The following PIEZO2 variants were observed in gnomAD, a reference collection of about 807,000 sequenced individuals.
PIEZO2 encodes piezo-type mechanosensitive ion channel component 2.
Under a neutral mutation model 337.3 loss-of-function variants are expected in PIEZO2, and 172 were observed. That is an observed-to-expected ratio of 0.51 (90% CI 0.45 to 0.58). The LOEUF (loss-of-function observed/expected upper bound fraction) is 0.58, where lower values mean the gene tolerates loss of function less well. PIEZO2 is among the 20% of genes least tolerant of loss of function. The pLI, the probability that PIEZO2 is intolerant of heterozygous loss-of-function variation, is 0.00. For missense variants in PIEZO2, 3,028 were observed against 3,391.3 expected, an observed-to-expected ratio of 0.89 and a Z score of 2.66; for synonymous variants, 1,251 against 1,228.5, an observed-to-expected ratio of 1.02 and a Z score of -0.38.
rs1366138666 is a variant in PIEZO2 at position 11,080,840 on chromosome 18, C to A, written c.65-14618G>T. ...GCCTGGCGACAGAGCAAGGCTCTGT[C>A]AATAAATAAATAAACAAACACATAA... is the stretch of plus-strand genomic sequence containing the variant. On this transcript the variant is annotated intron_variant, in intron 1 of 55. Transcript: ENST00000674853. The surrounding 1 kb of genome is among the most constrained non-coding windows in gnomAD (Gnocchi z 5.4). 1.3e-5 allele frequency among the ~76,000 whole-genome samples: 2 copies of A among 151,924 alleles called. No homozygotes were observed. The highest frequency in any genetic ancestry group is 2.9e-5 in the Non-Finnish European group (2 of 67,990).
chr18:10,923,983 T>A (rs1464266394), intron 3 of PIEZO2, among the ~76,000 whole-genome samples: 1 of 152,232 alleles, frequency 6.6e-6, no homozygotes. Context: ...CTGAGCAGTC[T>A]CTGGCACAAA....
At position 10,795,351 on chromosome 18, in the gene PIEZO2, A is replaced by ATTTTATTTTATT. The variant is rs1555648418; in HGVS notation, c.1528-350_1528-349insAATAAAATAAAA. ...ATTTTATTTTATTTTATTTTATTTT[A>ATTTTATTTTATT]TTATTTTATTTTATTTTATTTTATT... On this transcript the variant is annotated intron_variant, in intron 12 of 55. Coordinates refer to ENST00000674853, the MANE Select transcript of PIEZO2 (RefSeq NM_001378183.1). The surrounding 1 kb of genome is among the most constrained non-coding windows in gnomAD (Gnocchi z 4.4). Among the ~76,000 whole-genome samples the ATTTTATTTTATT allele has an allele frequency of 1.5e-4, 3 of 20,516 alleles. No homozygotes were observed. The highest frequency in any genetic ancestry group is 4.2e-4 in the African/African-American group (3 of 7,148). The allele number at this position is 20,516 out of a possible 152,430, so 13.5% of individuals were successfully genotyped here.
At chr18:10,999,184 C>CAAAA (rs35723374) in intron 2 of PIEZO2, among the ~76,000 whole-genome samples, 2 of 111,690 alleles carry the variant, frequency 1.8e-5, no homozygotes, top group African/African-American at 3.3e-5. Flanking sequence ...AAGGCAACAG[C>CAAAA]AAAAAAAAAA....
chr18:10,758,647 C>G (rs973629739), intron 26 of PIEZO2, among the ~76,000 whole-genome samples: 2 of 152,218 alleles, frequency 1.3e-5, no homozygotes, highest in Non-Finnish European at 1.5e-5. Context: ...AAGGAGGCCA[C>G]TTGAGCAATT....
At chr18:10,901,416 T>TCA (rs1253878950) in intron 4 of PIEZO2, among the ~76,000 whole-genome samples, 3 of 120,342 alleles carry the variant, frequency 2.5e-5, no homozygotes, top group South Asian at 3.1e-4. Flanking sequence ...CTACTTCTAT[T>TCA]CACACACACA....
intron 42 of PIEZO2, 43 bp from the exon 43 acceptor site, chr18:10,702,214 G>C: frequency 6.7e-7 from 1 of 1,503,376 alleles, no homozygotes; most frequent in South Asian, 1.2e-5. Flanking sequence ...ACTCCTTTTA[G>C]GAATAGATAT....
In PIEZO2 at chr18:10,811,978, C is replaced by T. The variant is rs538435912; in HGVS notation, c.918-4704G>A. ...CCTCCCGAGTAGCTGAGATTACAGGCGCCCGCCACCACGCCCGGCTAACTT... is the reference window on the plus strand; with the variant it reads ...CCTCCCGAGTAGCTGAGATTACAGGTGCCCGCCACCACGCCCGGCTAACTT... On this transcript the variant is annotated intron_variant, in intron 7 of 55. Transcript: ENST00000674853. Among the ~76,000 whole-genome samples, 13 of 152,178 alleles carry T rather than the reference C, an allele frequency of 8.5e-5. No individual in the cohort carries two copies. In the East Asian group the frequency reaches 1.2e-3, roughly 14 times the overall value.
intron 7 of PIEZO2, among the ~76,000 whole-genome samples, chr18:10,841,264 T>C (rs1418053326): frequency 1.3e-5 from 2 of 152,064 alleles, no homozygotes; most frequent in Non-Finnish European, 2.9e-5. Context: ...AAAAACAAGA[T>C]AATCCCTAAA....
intron 3 of PIEZO2, among the ~76,000 whole-genome samples, chr18:10,927,881 C>A (rs548563325): frequency 6.6e-6 from 1 of 151,830 alleles, no homozygotes; most frequent in South Asian, 2.1e-4. Context: ...TGCTTTAGGT[C>A]AAATTGGAGA....
chr18:10,773,039 G>A lies in PIEZO2; in HGVS notation c.2785+373C>T, dbSNP rs565794460. Among the ~76,000 whole-genome samples the A allele has an allele frequency of 3.6e-4, 55 of 152,280 alleles. No homozygotes were observed. The highest frequency in any genetic ancestry group is 1.3e-3 in the African/African-American group (55 of 41,546). On this transcript the variant is annotated intron_variant, in intron 20 of 55. Transcript: ENST00000674853. The surrounding 1 kb of genome is among the most constrained non-coding windows in gnomAD (Gnocchi z 5.3). The stretch of plus-strand genomic sequence containing the variant: ...AGTCTCAGAATGGTTTCTTGAGAAT[G>A]CATTTGTAAGGGCGATGTCTAGAGC...
In PIEZO2 at chr18:10,791,282, G is replaced by A; in HGVS notation, c.1801C>T (p.Leu601Phe). The stretch of plus-strand genomic sequence containing the variant: ...TCTTGCAGAGCTTTTTGCTCTGTGA[G>A]GTGCTGCCTCAGCAGTAGCCAAAAA... ...ITFWLLLRQH[L>F]TEQKALQEKE... Residue 601 changes from leucine to phenylalanine, a missense_variant, in exon 14 of 56, where the codon CTC becomes TTC. Around this residue, in one of 5 missense-constraint regions of PIEZO2, gnomAD observed 1,925 missense variants for 2,051.9 expected, o/e 0.94. Transcript: ENST00000674853. The A allele has an allele frequency of 6.5e-7, 1 of 1,534,452 alleles. No individual in the cohort carries two copies. Among genetic ancestry groups the A allele is most frequent in the Non-Finnish European group, 8.7e-7 (1 of 1,145,698 alleles).
At chr18:11,144,820 A>G (rs936537612) in intron 1 of PIEZO2, among the ~76,000 whole-genome samples, 1 of 152,160 alleles carries the variant, frequency 6.6e-6, no homozygotes, top group East Asian at 1.9e-4. Context: ...CCCCCAAGCA[A>G]GGCTTCCCCT....
At chr18:10,761,512 G>A (rs150231077) in intron 23 of PIEZO2, among the ~76,000 whole-genome samples, 174 of 152,300 alleles carry the variant, frequency 1.1e-3, no homozygotes, top group African/African-American at 4.0e-3. Context: ...TGCTTAGGGG[G>A]AAGCTTTTGA....
chr18:10,718,131 A>C, intron 37 of PIEZO2, 69 bp downstream of exon 37: 2 of 1,341,316 alleles, frequency 1.5e-6, no homozygotes, highest in Non-Finnish European at 2.1e-6. Flanking sequence ...GCAGCCTTCC[A>C]TTATATACGA....
At chr18:10,679,317 A>G (rs1402114072) in intron 52 of PIEZO2, among the ~76,000 whole-genome samples, 1 of 152,156 alleles carries the variant, frequency 6.6e-6, no homozygotes, top group African/African-American at 2.4e-5. Flanking sequence ...TTTGTAAATC[A>G]TCACCTTGCC....
rs1598431599 is a variant in PIEZO2, at chr18:10,750,640, G to T, written c.4168-453C>A. Among the ~76,000 whole-genome samples the T allele has an allele frequency of 6.6e-6, 1 of 152,060 alleles. No homozygotes were observed. The highest frequency in any genetic ancestry group is 1.9e-4 in the East Asian group (1 of 5,188). Reference sequence around the variant, plus strand: ...GTTCTTAGAACAAAACAGAGTATGTGTTTTGAGTCTTGTTTGACCAATTCT... The same window carrying T: ...GTTCTTAGAACAAAACAGAGTATGTTTTTTGAGTCTTGTTTGACCAATTCT... On this transcript the variant is annotated intron_variant, in intron 28 of 55. Coordinates refer to ENST00000674853, the MANE Select transcript of PIEZO2 (RefSeq NM_001378183.1). The surrounding 1 kb of genome is among the most constrained non-coding windows in gnomAD (Gnocchi z 4.1).
rs2038135142 is a variant in PIEZO2, at chr18:11,065,995, C to T, written c.160+132G>A. ...AGTGTAGTTCTTAAAATGTTTGACA[C>T]CCACTCCATGCCATATTAGCCCTGC... is the stretch of plus-strand genomic sequence containing the variant. On this transcript the variant is annotated intron_variant, in intron 2 of 55. Transcript: ENST00000674853. 10 of 668,320 alleles carry T rather than the reference C, an allele frequency of 1.5e-5. No individual in the cohort carries two copies. The South Asian group carries it at 1.7e-4, about 11-fold the overall frequency. 41.4% of individuals were successfully genotyped at this position (668,320 alleles called of 1,614,324 possible).
At chr18:10,732,012 G>A (rs1286274509) in intron 35 of PIEZO2, among the ~76,000 whole-genome samples, 2 of 152,182 alleles carry the variant, frequency 1.3e-5, no homozygotes, top group African/African-American at 4.8e-5. Context: ...TTGAGAAAGG[G>A]ATTTGGAGAA....
At chr18:10,785,093 C>A in intron 16 of PIEZO2, 136 bp from the exon 17 acceptor site, 3 of 918,060 alleles carry the variant, frequency 3.3e-6, no homozygotes, top group East Asian at 2.8e-5. Flanking sequence ...CCCATATGGT[C>A]CAATATGGCT....
Sources: allele counts gnomAD v4.1 joint callset (sites outside exome capture counted in the v4.1 genomes callset), GRCh38; gene constraint gnomAD v4.1.1; regional missense constraint gnomAD v4.1.1; non-coding constraint Gnocchi (gnomAD v3.1); transcripts MANE v1.5; gene names NCBI Gene and HGNC (gene_info 2026-07-23, HGNC 2026-07-21).